ALX4: variants seen among roughly 807,000 people sequenced by gnomAD.
ALX4 encodes the protein ALX homeobox 4.
ALX4 carries 22 observed loss-of-function variants against 40.6 expected under a neutral mutation model. That is an observed-to-expected ratio of 0.54 (90% confidence interval 0.39 to 0.77). The LOEUF (loss-of-function observed/expected upper bound fraction) is 0.77. Ranked by LOEUF, ALX4 falls within the 30% of genes least tolerant of loss-of-function variation. The pLI is 0.00. For synonymous variants in ALX4, 266 were observed against 240.5 expected, an observed-to-expected ratio of 1.11 and a Z score of -0.98; for missense variants, 556 against 564.8, an observed-to-expected ratio of 0.98 and a Z score of 0.16.
At chr11:44,295,973 G>C (rs377267984) in intron 1 of ALX4, among the ~76,000 whole-genome samples, 1 of 152,184 alleles carries the variant, frequency 6.6e-6, no homozygotes, top group Non-Finnish European at 1.5e-5. Flanking sequence ...TCCAGGTCCC[G>C]GAAAACAAAT....
chr11:44,265,266 T>C (rs1245291896), intron 3 of ALX4, 83 bp from the exon 4 acceptor site: 2 of 1,257,940 alleles, frequency 1.6e-6, no homozygotes, highest in African/African-American at 3.0e-5. Flanking sequence ...AGAGCACCTC[T>C]CCCCTCACTG....
intron 3 of ALX4, among the ~76,000 whole-genome samples, chr11:44,266,287 T>A (rs1956213492): frequency 1.3e-5 from 2 of 152,124 alleles, no homozygotes; most frequent in Admixed American, 1.3e-4. Context: ...AGCTGTGCGC[T>A]CAGGCAGCAG....
chr11:44,283,287 A>G (rs1286153667), intron 1 of ALX4, among the ~76,000 whole-genome samples: 2 of 152,060 alleles, frequency 1.3e-5, no homozygotes, highest in East Asian at 1.9e-4. Context: ...TTGTTTTCAA[A>G]TTTTAAAAAA....
intron 1 of ALX4, among the ~76,000 whole-genome samples, chr11:44,276,378 C>A (rs774483015): frequency 3.9e-5 from 6 of 152,350 alleles, no homozygotes; most frequent in African/African-American, 1.4e-4. Flanking sequence ...TGAGGCTGCC[C>A]GGGCACCTTC....
intron 2 of ALX4, 41 bp downstream of exon 2, chr11:44,275,307 C>A: frequency 6.2e-7 from 1 of 1,610,056 alleles, no homozygotes; most frequent in Non-Finnish European, 8.5e-7. Context: ...CAGGGACAGG[C>A]TCTGCTTTAC....
At chr11:44,301,278 AG>A (rs1423059978) in intron 1 of ALX4, among the ~76,000 whole-genome samples, 4 of 152,180 alleles carry the variant, frequency 2.6e-5, no homozygotes, top group African/African-American at 9.7e-5. Context: ...TGTGTGCTGC[AG>A]GGTCAGGGGA....
chr11:44,270,854 G>A (rs1010330108), intron 2 of ALX4, among the ~76,000 whole-genome samples: 6 of 152,234 alleles, frequency 3.9e-5, no homozygotes, highest in Admixed American at 1.3e-4. Flanking sequence ...CGGAGGCCTC[G>A]CTAACCGCAG....
At chr11:44,307,188 C>T (rs1037764614) in intron 1 of ALX4, among the ~76,000 whole-genome samples, 4 of 151,954 alleles carry the variant, frequency 2.6e-5, no homozygotes, top group African/African-American at 4.8e-5. Flanking sequence ...GCAGGGGTAG[C>T]GGGGGCTCTT....
chr11:44,283,180 C>A (rs1483781709), intron 1 of ALX4, among the ~76,000 whole-genome samples: 1 of 147,924 alleles, frequency 6.8e-6, no homozygotes, highest in African/African-American at 2.5e-5. Context: ...ACGGGAGGTG[C>A]AGATTACACT....
intron 1 of ALX4, among the ~76,000 whole-genome samples, chr11:44,282,459 T>C (rs1427129295): frequency 6.6e-6 from 1 of 152,088 alleles, no homozygotes; most frequent in East Asian, 1.9e-4. Context: ...GCAATCCCAC[T>C]CCTAGGTATT....
At chr11:44,282,407 C>T (rs1402883951) in intron 1 of ALX4, among the ~76,000 whole-genome samples, 1 of 152,098 alleles carries the variant, frequency 6.6e-6, no homozygotes, top group Non-Finnish European at 1.5e-5. Flanking sequence ...AACACTTGGG[C>T]GGTGTCTTAT....
At chr11:44,302,081 C>A (rs1160632564) in intron 1 of ALX4, among the ~76,000 whole-genome samples, 1 of 152,156 alleles carries the variant, frequency 6.6e-6, no homozygotes, top group South Asian at 2.1e-4. Flanking sequence ...AGGCCACAGG[C>A]CATGATGCAA....
intron 1 of ALX4, among the ~76,000 whole-genome samples, chr11:44,299,929 T>G (rs1956425731): frequency 6.6e-6 from 1 of 152,206 alleles, no homozygotes; most frequent in African/African-American, 2.4e-5. Context: ...AGTGAAATCA[T>G]GCATAAGCAG....
intron 1 of ALX4, among the ~76,000 whole-genome samples, chr11:44,291,210 A>C (rs1956366765): frequency 6.6e-6 from 1 of 152,088 alleles, no homozygotes; most frequent in Non-Finnish European, 1.5e-5. Context: ...TCAAATGTTA[A>C]ATTTATTTGG....
intron 1 of ALX4, among the ~76,000 whole-genome samples, chr11:44,299,182 C>G (rs1956420443): frequency 6.6e-6 from 1 of 152,136 alleles, no homozygotes; most frequent in Non-Finnish European, 1.5e-5. Flanking sequence ...CTATGAGGCC[C>G]TATGCCATGC....
Position 44,280,457 on chromosome 11 carries a change from G to C in ALX4, c.467-4799C>G, listed in dbSNP as rs374153716. On this transcript the variant is annotated intron_variant, in intron 1 of 3. Coordinates refer to ENST00000652299, the MANE Select transcript of ALX4 (RefSeq NM_021926.4). The stretch of plus-strand genomic sequence containing the variant: ...TGGCATAAGGCTGAGCAGCAACAGC[G>C]CCCAGCGTGGGTCCAGGCCACCCGC... Among the ~76,000 whole-genome samples the C allele has an allele frequency of 4.6e-5, 7 of 152,312 alleles. No homozygotes were observed. The South Asian group carries it at 8.3e-4, about 18-fold the overall frequency.
intron 1 of ALX4, among the ~76,000 whole-genome samples, chr11:44,303,634 CCT>C (rs1378464510): frequency 6.6e-6 from 1 of 152,228 alleles, no homozygotes; most frequent in Non-Finnish European, 1.5e-5. Flanking sequence ...CCCTTCCATT[CCT>C]CTCTTTCCTC....
chr11:44,273,794 T>TA (rs1285784945), intron 2 of ALX4, among the ~76,000 whole-genome samples: 1 of 151,788 alleles, frequency 6.6e-6, no homozygotes, highest in Non-Finnish European at 1.5e-5. Flanking sequence ...CTACAAAAAA[T>TA]AAAAAAACTT....
intron 1 of ALX4, among the ~76,000 whole-genome samples, chr11:44,307,992 C>T (rs1326093136): frequency 6.6e-6 from 1 of 151,916 alleles, no homozygotes; most frequent in African/African-American, 2.4e-5. Context: ...GTGTGTGGAG[C>T]CTTGGGGGTC....
Sources: gnomAD v4.1 joint callset for allele counts (sites outside exome capture counted in the v4.1 genomes callset) on GRCh38, gnomAD v4.1.1 for gene constraint, MANE v1.5 for transcripts, NCBI Gene and HGNC (gene_info 2026-07-23, HGNC 2026-07-21) for gene names.